CTNNA2: variants seen among roughly 807,000 people sequenced by gnomAD.
CTNNA2 encodes the protein catenin alpha 2, also known as catenin alpha-2.
In CTNNA2, 42 loss-of-function variants were observed where a neutral mutation model predicts 101.0. The observed-to-expected ratio is 0.42, with a 90% CI of 0.32 to 0.54. The LOEUF (loss-of-function observed/expected upper bound fraction) is 0.54, where lower values mean the gene tolerates loss of function less well. CTNNA2 is among the 20% of genes least tolerant of loss of function. The pLI is 0.14. For synonymous variants in CTNNA2, 450 were observed against 456.4 expected, an observed-to-expected ratio of 0.99 and a Z score of 0.18; for missense variants, 871 against 1,223.1, an observed-to-expected ratio of 0.71 and a Z score of 4.29.
At chr2:79,416,624 A>C (rs1678485766) in intron 4 of CTNNA2, among the ~76,000 whole-genome samples, 1 of 152,120 alleles carries the variant, frequency 6.6e-6, no homozygotes, top group Non-Finnish European at 1.5e-5. Flanking sequence ...CTTTAAGCTT[A>C]ATATAAAAAC....
chr2:79,485,946 CT>C (rs1671152968), intron 4 of CTNNA2, among the ~76,000 whole-genome samples: 1 of 152,024 alleles, frequency 6.6e-6, no homozygotes, highest in Admixed American at 6.6e-5. Flanking sequence ...ACCTGATGAT[CT>C]TTTTTGGATG....
chr2:79,439,905 C>G (rs915842595), intron 4 of CTNNA2, among the ~76,000 whole-genome samples: 1 of 152,118 alleles, frequency 6.6e-6, no homozygotes, highest in Non-Finnish European at 1.5e-5. Flanking sequence ...CTAGGCTGTC[C>G]TCATCCTGAA....
At chr2:79,849,443 T>G (rs958314062) in intron 3 of CTNNA2, among the ~76,000 whole-genome samples, 4 of 152,146 alleles carry the variant, frequency 2.6e-5, no homozygotes, top group African/African-American at 9.7e-5. Context: ...AGGTAGCTTA[T>G]TTTAATGCAG....
chr2:80,632,842 T>C (rs1672441436), intron 18 of CTNNA2, among the ~76,000 whole-genome samples: 1 of 152,230 alleles, frequency 6.6e-6, no homozygotes, highest in African/African-American at 2.4e-5. Flanking sequence ...TTAACAAGTA[T>C]TTTATTTTCT....
chr2:79,225,043 G>A (rs1245521519), intron 2 of CTNNA2, among the ~76,000 whole-genome samples: 1 of 151,864 alleles, frequency 6.6e-6, no homozygotes, highest in Non-Finnish European at 1.5e-5. Flanking sequence ...TAACCAAGCT[G>A]TTTCTGGTTT....
chr2:79,594,957 G>C (rs1459392812), intron 1 of CTNNA2, among the ~76,000 whole-genome samples: 2 of 151,426 alleles, frequency 1.3e-5, no homozygotes, highest in Non-Finnish European at 2.9e-5. Flanking sequence ...CTCTTATATA[G>C]ATTTTTTTTT....
At chr2:80,087,559 A>G (rs549233355) in intron 7 of CTNNA2, among the ~76,000 whole-genome samples, 2 of 152,170 alleles carry the variant, frequency 1.3e-5, no homozygotes, top group African/African-American at 4.8e-5. Context: ...TTCTGGGTAT[A>G]GGGAAGTTCT....
chr2:80,404,815 A>G (rs1235516949), intron 8 of CTNNA2, among the ~76,000 whole-genome samples: 1 of 152,176 alleles, frequency 6.6e-6, no homozygotes, highest in African/African-American at 2.4e-5. Flanking sequence ...ATTATTGGGT[A>G]ATTTTACTTG....
intron 7 of CTNNA2, among the ~76,000 whole-genome samples, chr2:80,300,328 G>C (rs1676165425): frequency 1.4e-5 from 2 of 143,374 alleles, no homozygotes; most frequent in South Asian, 4.4e-4. Context: ...GTGTGTGTGT[G>C]TGTGTAAGAA....
intron 4 of CTNNA2, among the ~76,000 whole-genome samples, chr2:79,390,007 C>T (rs76132442): frequency 0.045 from 6,907 of 152,158 alleles, 520 homozygotes; most frequent in African/African-American, 0.16. Context: ...CAGCCACCAG[C>T]AAAACCATTC....
intron 9 of CTNNA2, among the ~76,000 whole-genome samples, chr2:80,452,481 T>C (rs1347419981): frequency 6.6e-6 from 1 of 151,490 alleles, no homozygotes; most frequent in Non-Finnish European, 1.5e-5. Context: ...GTTTCCTAAA[T>C]CAGTCAGGTC....
chr2:79,716,493 C>T (rs1686111116), intron 2 of CTNNA2, among the ~76,000 whole-genome samples: 1 of 152,148 alleles, frequency 6.6e-6, no homozygotes, highest in South Asian at 2.1e-4. Flanking sequence ...CTCCAACAAG[C>T]CCCATTGTTT....
intron 3 of CTNNA2, among the ~76,000 whole-genome samples, chr2:79,814,608 TACACAC>T (rs146240455): frequency 9.0e-5 from 13 of 145,090 alleles, no homozygotes; most frequent in South Asian, 2.2e-4. Context: ...TATGTGTGTA[TACACAC>T]ACACACACAC....
intron 2 of CTNNA2, among the ~76,000 whole-genome samples, chr2:79,201,669 A>G (rs1674037323): frequency 6.6e-6 from 1 of 151,876 alleles, no homozygotes; most frequent in Non-Finnish European, 1.5e-5. Context: ...GCCTCAGCAA[A>G]TTGTCCTACT....
intron 1 of CTNNA2, among the ~76,000 whole-genome samples, chr2:79,528,296 C>T (rs1439057538): frequency 6.6e-6 from 1 of 151,800 alleles, no homozygotes; most frequent in African/African-American, 2.4e-5. Flanking sequence ...TACTGCAGCT[C>T]GAACTCCTAG....
At chr2:79,592,872 C>T (rs1191771540) in intron 1 of CTNNA2, among the ~76,000 whole-genome samples, 2 of 152,124 alleles carry the variant, frequency 1.3e-5, no homozygotes, top group Non-Finnish European at 2.9e-5. Flanking sequence ...GAAGAACTGA[C>T]ACCTCAGTGA....
At chr2:79,557,943 G>A (rs1674544298) in intron 1 of CTNNA2, among the ~76,000 whole-genome samples, 1 of 151,922 alleles carries the variant, frequency 6.6e-6, no homozygotes, top group Non-Finnish European at 1.5e-5. Context: ...AGTTGGGCTT[G>A]ATGTTGTTTT....
intron 2 of CTNNA2, among the ~76,000 whole-genome samples, chr2:79,690,192 TA>T (rs1405488950): frequency 6.6e-6 from 1 of 151,914 alleles, no homozygotes; most frequent in African/African-American, 2.4e-5. Context: ...TAAGTGCAAT[TA>T]GAGATTTAAA....
At chr2:80,614,343 A>G (rs1698682555) in intron 17 of CTNNA2, among the ~76,000 whole-genome samples, 1 of 151,580 alleles carries the variant, frequency 6.6e-6, no homozygotes, top group Non-Finnish European at 1.5e-5. Flanking sequence ...ACAATGTAGT[A>G]CTTATATAAT....
Sources: gnomAD v4.1 joint callset for allele counts (sites outside exome capture counted in the v4.1 genomes callset) on GRCh38, gnomAD v4.1.1 for gene constraint, MANE v1.5 for transcripts, NCBI Gene and HGNC (gene_info 2026-07-23, HGNC 2026-07-21) for gene names.